The following TENM2 variants were observed in gnomAD, a reference collection of about 807,000 sequenced individuals.
TENM2 encodes the protein teneurin-2.
A neutral mutation model predicts 245.2 loss-of-function variants in TENM2; 52 were observed. The observed-to-expected ratio is 0.21, with a 90% CI of 0.17 to 0.27. The LOEUF is 0.27. Ranked by LOEUF, TENM2 falls within the 10% of genes least tolerant of loss-of-function variation. TENM2 has a pLI of 1.00. For synonymous variants in TENM2, 1,363 were observed against 1,438.9 expected, an observed-to-expected ratio of 0.95 and a Z score of 1.19; for missense variants, 3,046 against 3,666.8, an observed-to-expected ratio of 0.83 and a Z score of 4.37.
At chr5:167,726,161 T>G (rs1561710373) in intron 2 of TENM2, among the ~76,000 whole-genome samples, 1 of 152,154 alleles carries the variant, frequency 6.6e-6, no homozygotes, top group Non-Finnish European at 1.5e-5. Flanking sequence ...CAAGAAATGT[T>G]TCTTGAATTT....
chr5:168,048,303 A>G (rs1788788149), intron 6 of TENM2, among the ~76,000 whole-genome samples: 1 of 152,168 alleles, frequency 6.6e-6, no homozygotes, highest in Non-Finnish European at 1.5e-5. Context: ...GCACGCAGTG[A>G]GATATGCTTA....
At chr5:167,022,643 G>T in the TENM2 span, among the ~76,000 whole-genome samples, 1 of 152,068 alleles carries the variant, frequency 6.6e-6, no homozygotes, top group Non-Finnish European at 1.5e-5. Flanking sequence ...ACACTTCCTT[G>T]TCTTCTTTTG....
intron 2 of TENM2, among the ~76,000 whole-genome samples, chr5:167,511,515 A>G (rs981808609): frequency 6.6e-6 from 1 of 152,208 alleles, no homozygotes; most frequent in African/African-American, 2.4e-5. Context: ...CTTTTGTCAT[A>G]CAAATAGTTG....
At chr5:167,780,091 A>G (rs951405542) in intron 2 of TENM2, among the ~76,000 whole-genome samples, 1 of 152,192 alleles carries the variant, frequency 6.6e-6, no homozygotes, top group Non-Finnish European at 1.5e-5. Context: ...GGTGGTTTAC[A>G]CACTTGGCAT....
intron 12 of TENM2, among the ~76,000 whole-genome samples, chr5:168,154,985 C>A (rs552144460): frequency 1.3e-5 from 2 of 152,334 alleles, no homozygotes; most frequent in East Asian, 3.9e-4. Flanking sequence ...TGCGTGTCCA[C>A]GCCATTTGTG....
At chr5:167,021,074 G>C in the TENM2 span, among the ~76,000 whole-genome samples, 15 of 152,158 alleles carry the variant, frequency 9.9e-5, no homozygotes, top group Admixed American at 5.9e-4. Flanking sequence ...AACCCAGGAG[G>C]GGGAGGTTGC....
At chr5:167,532,326 T>C (rs1253465009) in intron 2 of TENM2, among the ~76,000 whole-genome samples, 3 of 152,046 alleles carry the variant, frequency 2.0e-5, no homozygotes, top group Non-Finnish European at 4.4e-5. Flanking sequence ...TATATATGTA[T>C]ATAAAATTAG....
the TENM2 span, among the ~76,000 whole-genome samples, chr5:167,090,292 T>A: frequency 5.3e-5 from 8 of 151,978 alleles, no homozygotes; most frequent in Non-Finnish European, 1.0e-4. Context: ...AGGTTTTTTT[T>A]TTTTTTAAAT....
At chr5:167,762,330 C>T (rs1582941705) in intron 2 of TENM2, among the ~76,000 whole-genome samples, 1 of 152,206 alleles carries the variant, frequency 6.6e-6, no homozygotes, top group South Asian at 2.1e-4. Context: ...GTCTAATCTT[C>T]TGCTTTTCAA....
chr5:168,203,303 T>A (rs1762080866), intron 17 of TENM2, among the ~76,000 whole-genome samples: 2 of 152,172 alleles, frequency 1.3e-5, no homozygotes, highest in Admixed American at 6.5e-5. Context: ...CAAAATATAA[T>A]AAATGCATGC....
Position 168,218,637 on chromosome 5 carries a change from G to A in TENM2, c.4746G>A (p.Gln1582=), listed in dbSNP as rs749799520. ...AGCCTGTTCTTAATGCCTTCAACCA[G>A]TATGAGGCTGCATCCCCCGGAGAGC... Residue 1582 remains glutamine, a synonymous_variant, in exon 23 of 29, where the codon CAG becomes CAA. Transcript: ENST00000518659. The surrounding 1 kb of genome is among the most constrained non-coding windows in gnomAD (Gnocchi z 5.2). 1.2e-5 allele frequency: 20 copies of A among 1,613,902 alleles called. No individual in the cohort carries two copies. The highest frequency in any genetic ancestry group is 1.7e-5 in the Non-Finnish European group (20 of 1,179,918).
chr5:167,192,551 G>A, the TENM2 span, among the ~76,000 whole-genome samples: 2 of 152,018 alleles, frequency 1.3e-5, no homozygotes, highest in African/African-American at 2.4e-5. Flanking sequence ...ATTGTACAAG[G>A]CTATATGGTA....
chr5:168,007,196 G>A (rs1016189980), intron 5 of TENM2, among the ~76,000 whole-genome samples: 3 of 151,368 alleles, frequency 2.0e-5, no homozygotes, highest in African/African-American at 7.3e-5. Context: ...GCATGATCTC[G>A]GCTCACTGCA....
intron 2 of TENM2, among the ~76,000 whole-genome samples, chr5:167,711,584 A>G (rs1758912456): frequency 6.6e-6 from 1 of 152,124 alleles, no homozygotes; most frequent in Non-Finnish European, 1.5e-5. Context: ...CATCCCTTAC[A>G]TCAAACCCAC....
At position 167,321,955 on chromosome 5, in the gene TENM2, A is replaced by G. The variant is rs190171031; in HGVS notation, c.226+36892A>G. On this transcript the variant is annotated intron_variant, in intron 1 of 28. Transcript: ENST00000518659. Reference sequence around the variant, plus strand: ...GCAATTCTCTGGCCTCAGCCTCCCTAGTAGCTGGGACTACAGGCATGCACC... The same window carrying G: ...GCAATTCTCTGGCCTCAGCCTCCCTGGTAGCTGGGACTACAGGCATGCACC... Among the ~76,000 whole-genome samples, 320 of 151,464 alleles carry G rather than the reference A, an allele frequency of 2.1e-3. 11 individuals carry two copies. The East Asian group carries it at 0.032, about 15-fold the overall frequency.
chr5:167,202,857 C>G, the TENM2 span, among the ~76,000 whole-genome samples: 2 of 152,086 alleles, frequency 1.3e-5, no homozygotes, highest in Non-Finnish European at 2.9e-5. Context: ...CAGATCTATG[C>G]TGGGAGAGCA....
chr5:168,008,371 T>C (rs933315289), intron 5 of TENM2, among the ~76,000 whole-genome samples: 4 of 152,126 alleles, frequency 2.6e-5, no homozygotes, highest in African/African-American at 9.7e-5. Context: ...GAGGTTTAAT[T>C]TGATTAATTT....
At chr5:167,736,859 G>A (rs776562891) in intron 2 of TENM2, among the ~76,000 whole-genome samples, 2 of 152,048 alleles carry the variant, frequency 1.3e-5, no homozygotes, top group Non-Finnish European at 1.5e-5. Flanking sequence ...TCCTAACAAG[G>A]GGCTGAAGCA....
At chr5:167,009,806 G>A in the TENM2 span, among the ~76,000 whole-genome samples, 1 of 152,132 alleles carries the variant, frequency 6.6e-6, no homozygotes, top group Admixed American at 6.6e-5. Context: ...GAACCACAGA[G>A]TGAAATATTT....
Sources: gnomAD v4.1 joint callset for allele counts (sites outside exome capture counted in the v4.1 genomes callset) on GRCh38, gnomAD v4.1.1 for gene constraint, Gnocchi (gnomAD v3.1) non-coding constraint, MANE v1.5 for transcripts, NCBI Gene and HGNC (gene_info 2026-07-23, HGNC 2026-07-21) for gene names.